Variants in ANXA3 observed in about 807,000 individuals in gnomAD.
ANXA3 encodes annexin A3, also known as 35-alpha calcimedin.
ANXA3 carries 46 observed loss-of-function variants against 48.8 expected under a neutral mutation model. The observed-to-expected ratio is 0.94, with a 90% CI of 0.74 to 1.21. The LOEUF (loss-of-function observed/expected upper bound fraction) is 1.21. Ranked by LOEUF, ANXA3 falls within the 50% of genes most tolerant of loss-of-function variation. The probability of loss-of-function intolerance (pLI) is 0.00; values close to 1 mark genes in which losing one functional copy is unlikely to be tolerated. For missense variants in ANXA3, 383 were observed against 378.6 expected (o/e 1.01, Z -0.10); for synonymous variants, 128 against 134.7 (o/e 0.95, Z 0.35).
chr4:78,607,304 A>T (rs1461420929), intron 12 of ANXA3, among the ~76,000 whole-genome samples: 1 of 152,204 alleles, frequency 6.6e-6, no homozygotes, highest in Admixed American at 6.5e-5. Flanking sequence ...GGATCTTTTT[A>T]GATGGTTGTT....
intron 12 of ANXA3, among the ~76,000 whole-genome samples, chr4:78,607,224 G>A (rs1723665888): frequency 6.6e-6 from 1 of 152,164 alleles, no homozygotes; most frequent in South Asian, 2.1e-4. Flanking sequence ...AATAGTACAA[G>A]ATTTCTTTAT....
intron 4 of ANXA3, 36 bp from the exon 5 acceptor site, chr4:78,582,141 T>C (rs762492040): frequency 1.4e-6 from 2 of 1,402,896 alleles, no homozygotes; most frequent in Admixed American, 1.8e-5. Flanking sequence ...AGAAAAAAAG[T>C]ATTTCACATT....
chr4:78,600,469 T>C (rs888323460), intron 10 of ANXA3, among the ~76,000 whole-genome samples: 2 of 152,192 alleles, frequency 1.3e-5, no homozygotes, highest in African/African-American at 2.4e-5. Context: ...GTGGGCATCA[T>C]TATTTTTTAT....
At chr4:78,577,036 G>A (rs1179712269) in intron 3 of ANXA3, among the ~76,000 whole-genome samples, 1 of 152,174 alleles carries the variant, frequency 6.6e-6, no homozygotes, top group Non-Finnish European at 1.5e-5. Flanking sequence ...TGATACATGA[G>A]CTAAGGGGCT....
intron 4 of ANXA3, among the ~76,000 whole-genome samples, chr4:78,579,415 A>T (rs1723029417): frequency 6.6e-6 from 1 of 152,198 alleles, no homozygotes; most frequent in African/African-American, 2.4e-5. Context: ...GACATTTGGG[A>T]TGAATGGAGA....
rs752297719 is a variant in ANXA3 at position 78,597,308 on chromosome 4, C to G, written c.635-11C>G. The stretch of plus-strand genomic sequence containing the variant: ...CGTTGCTTTAAATAATTTTGTGGTG[C>G]TTCTTTTTAGCATTTGATGAATACA... On this transcript the variant is annotated splice_polypyrimidine_tract_variant and intron_variant, in intron 9 of 12. Transcript: ENST00000264908. The G allele has an allele frequency of 6.4e-7, 1 of 1,565,844 alleles. No individual in the cohort carries two copies. The highest frequency in any genetic ancestry group is 8.8e-7 in the Non-Finnish European group (1 of 1,140,598).
At chr4:78,569,709 C>A (rs528628329) in intron 2 of ANXA3, among the ~76,000 whole-genome samples, 1 of 152,310 alleles carries the variant, frequency 6.6e-6, no homozygotes, top group Admixed American at 6.5e-5. Flanking sequence ...CTGTCACATT[C>A]CCGGGTGATG....
chr4:78,598,688 C>T (rs978543489), intron 10 of ANXA3, among the ~76,000 whole-genome samples: 8 of 152,088 alleles, frequency 5.3e-5, no homozygotes, highest in African/African-American at 9.6e-5. Flanking sequence ...TACAGGCACA[C>T]GCCACCACGC....
chr4:78,591,689 A>T lies in ANXA3; in HGVS notation c.483+66A>T, dbSNP rs560280074. The T allele has an allele frequency of 1.6e-4, 186 of 1,193,504 alleles. No individual in the cohort carries two copies. The African/African-American group carries it at 2.5e-3, about 16-fold the overall frequency. The allele number at this position is 1,193,504 out of a possible 1,614,324, so 73.9% of individuals were successfully genotyped here. A position where few individuals can be genotyped will look rare whatever the true frequency, so the allele number is the denominator to read the frequency against. Reference sequence around the variant, plus strand: ...GCATGCTCAATAACAATTTTTAGGGAGTTTAAAAATAACCAAACTGAGACA... The same window carrying T: ...GCATGCTCAATAACAATTTTTAGGGTGTTTAAAAATAACCAAACTGAGACA... On this transcript the variant is annotated intron_variant, in intron 7 of 12. Coordinates refer to ENST00000264908, the MANE Select transcript of ANXA3 (RefSeq NM_005139.3).
chr4:78,601,956 A>C (rs1342041203), intron 11 of ANXA3: 1 of 157,814 alleles, frequency 6.3e-6, no homozygotes, highest in African/African-American at 2.4e-5. Flanking sequence ...GAAAATGAGA[A>C]GGCAGGCCAG....
At chr4:78,567,370 G>A (rs1722755030) in intron 2 of ANXA3, among the ~76,000 whole-genome samples, 1 of 152,154 alleles carries the variant, frequency 6.6e-6, no homozygotes, top group Non-Finnish European at 1.5e-5. Flanking sequence ...CCTCTTCCTG[G>A]TTTCTAGTGG....
At chr4:78,565,177 A>T (rs1041695313) in intron 2 of ANXA3, among the ~76,000 whole-genome samples, 1 of 152,056 alleles carries the variant, frequency 6.6e-6, no homozygotes, top group African/African-American at 2.4e-5. Flanking sequence ...TATTTTTAGT[A>T]GAGGCAGAGT....
chr4:78,581,060 T>C (rs556477200), intron 4 of ANXA3, among the ~76,000 whole-genome samples: 10 of 152,290 alleles, frequency 6.6e-5, no homozygotes, highest in Non-Finnish European at 1.5e-5. Flanking sequence ...TGAGGACAGA[T>C]GGTAGTGAAA....
intron 2 of ANXA3, chr4:78,570,997 A>T (rs59128402): frequency 6.6e-6 from 1 of 151,986 alleles, no homozygotes; most frequent in African/African-American, 2.4e-5. Context: ...TGACTAATTT[A>T]TTTTCTTTCT....
chr4:78,584,005 G>A (rs1723124505), intron 5 of ANXA3, among the ~76,000 whole-genome samples: 2 of 152,190 alleles, frequency 1.3e-5, no homozygotes, highest in Non-Finnish European at 2.9e-5. Flanking sequence ...ACCCATTAAT[G>A]ATGTAGCTAC....
At position 78,562,857 on chromosome 4, in the gene ANXA3, G is replaced by A. The variant is rs530316661; in HGVS notation, c.15+8369G>A. The stretch of plus-strand genomic sequence containing the variant: ...AGATGGTGAGCTGAGGGAATATCTC[G>A]GGAAAGAGCAGCCAGGCAGACGGAA... On this transcript the variant is annotated intron_variant, in intron 2 of 12. Coordinates refer to ENST00000264908, the MANE Select transcript of ANXA3 (RefSeq NM_005139.3). 5.3e-5 allele frequency among the ~76,000 whole-genome samples: 8 copies of A among 152,246 alleles called. No individual in the cohort carries two copies. In the South Asian group the frequency reaches 1.2e-3, roughly 24 times the overall value.
At chr4:78,604,821 C>T (rs1723615000) in intron 12 of ANXA3, among the ~76,000 whole-genome samples, 2 of 152,162 alleles carry the variant, frequency 1.3e-5, no homozygotes, top group African/African-American at 4.8e-5. Context: ...ATATAGGAAA[C>T]TTTCTCATTT....
At chr4:78,596,689 G>A (rs754352977) in intron 9 of ANXA3, among the ~76,000 whole-genome samples, 2 of 152,106 alleles carry the variant, frequency 1.3e-5, no homozygotes, top group Non-Finnish European at 2.9e-5. Context: ...TCATGTCTTT[G>A]TTTGAAAAAC....
intron 1 of ANXA3, among the ~76,000 whole-genome samples, chr4:78,552,568 C>A (rs1231103907): frequency 7.2e-6 from 1 of 138,668 alleles, no homozygotes; most frequent in Non-Finnish European, 1.7e-5. Flanking sequence ...TACTTGATTG[C>A]AGATGACCAT....
Sources: gnomAD v4.1 joint callset for allele counts (sites outside exome capture counted in the v4.1 genomes callset) on GRCh38, gnomAD v4.1.1 for gene constraint, MANE v1.5 for transcripts, NCBI Gene and HGNC (gene_info 2026-07-23, HGNC 2026-07-21) for gene names.